The following GRID2 variants were observed in gnomAD, a reference collection of about 807,000 sequenced individuals.
GRID2 encodes the protein glutamate ionotropic receptor delta type subunit 2.
GRID2 carries 33 observed loss-of-function variants against 114.8 expected under a neutral mutation model. The observed-to-expected ratio is 0.29, with a 90% confidence interval of 0.22 to 0.38. The LOEUF (loss-of-function observed/expected upper bound fraction) is 0.38. GRID2 is among the 10% of genes least tolerant of loss of function. GRID2 has a pLI of 1.00. For missense variants in GRID2, 1,184 were observed against 1,257.7 expected (o/e 0.94, Z 0.89); for synonymous variants, 505 against 449.9 (o/e 1.12, Z -1.55).
At chr4:92,968,332 C>G (rs543440226) in intron 2 of GRID2, among the ~76,000 whole-genome samples, 119 of 151,862 alleles carry the variant, frequency 7.8e-4, no homozygotes, top group Middle Eastern at 3.4e-3. Flanking sequence ...AATAGTATCA[C>G]TATTTGTTGA....
At chr4:93,652,902 C>T (rs1341454276) in intron 14 of GRID2, among the ~76,000 whole-genome samples, 2 of 149,948 alleles carry the variant, frequency 1.3e-5, no homozygotes, top group Non-Finnish European at 2.9e-5. Flanking sequence ...TGGGAAGATA[C>T]ACAAAGGACA....
At chr4:92,929,284 G>T (rs754553168) in intron 2 of GRID2, among the ~76,000 whole-genome samples, 1 of 151,262 alleles carries the variant, frequency 6.6e-6, no homozygotes, top group South Asian at 2.1e-4. Flanking sequence ...TGATTTGAAT[G>T]AAGGTAAACA....
chr4:92,518,872 A>G (rs1039061447), intron 1 of GRID2, among the ~76,000 whole-genome samples: 3 of 151,906 alleles, frequency 2.0e-5, no homozygotes, highest in Non-Finnish European at 2.9e-5. Flanking sequence ...ATTATAAACT[A>G]TCTTGCCACA....
chr4:93,064,038 T>C (rs1356576422), intron 2 of GRID2, among the ~76,000 whole-genome samples: 1 of 116,454 alleles, frequency 8.6e-6, no homozygotes, highest in Non-Finnish European at 1.8e-5. Context: ...ATGTTTAACA[T>C]ATTACGCTGT....
intron 1 of GRID2, among the ~76,000 whole-genome samples, chr4:92,488,151 T>C (rs1471713100): frequency 1.3e-5 from 2 of 152,174 alleles, no homozygotes; most frequent in African/African-American, 2.4e-5. Flanking sequence ...AAAGGTATAA[T>C]GTGACATAAT....
chr4:93,727,527 T>C (rs1730043251), intron 14 of GRID2, among the ~76,000 whole-genome samples: 1 of 152,202 alleles, frequency 6.6e-6, no homozygotes, highest in Admixed American at 6.5e-5. Flanking sequence ...GATTCCCTCT[T>C]TTTCTATTGA....
intron 10 of GRID2, among the ~76,000 whole-genome samples, chr4:93,439,351 G>A (rs1721406139): frequency 6.6e-6 from 1 of 152,006 alleles, no homozygotes; most frequent in Non-Finnish European, 1.5e-5. Context: ...ATTTAGCAGA[G>A]GAAAATGAGC....
intron 2 of GRID2, among the ~76,000 whole-genome samples, chr4:92,597,236 AT>A (rs1728997410): frequency 6.6e-6 from 1 of 152,240 alleles, no homozygotes; most frequent in African/African-American, 2.4e-5. Context: ...AAAGAAGGTT[AT>A]TACTTTACCT....
intron 1 of GRID2, among the ~76,000 whole-genome samples, chr4:92,443,224 T>G (rs571989872): frequency 2.0e-5 from 3 of 150,974 alleles, no homozygotes; most frequent in African/African-American, 7.4e-5. Context: ...GCCTATTTTA[T>G]GACAAGAATT....
At chr4:92,342,550 G>A (rs1727549935) in intron 1 of GRID2, among the ~76,000 whole-genome samples, 1 of 152,144 alleles carries the variant, frequency 6.6e-6, no homozygotes, top group Admixed American at 6.5e-5. Flanking sequence ...TGTTTAGGAA[G>A]ATTTACTCAT....
chr4:92,619,203 G>T (rs1314987741), intron 2 of GRID2, among the ~76,000 whole-genome samples: 1 of 151,628 alleles, frequency 6.6e-6, no homozygotes, highest in Non-Finnish European at 1.5e-5. Flanking sequence ...CTTATTTAAA[G>T]TTCAGGCACT....
chr4:92,493,048 G>A (rs1723221730), intron 1 of GRID2, among the ~76,000 whole-genome samples: 1 of 147,004 alleles, frequency 6.8e-6, no homozygotes, highest in Admixed American at 7.0e-5. Flanking sequence ...AGAATTGCTT[G>A]AACCCTGGAG....
At chr4:92,395,710 A>G (rs896759268) in intron 1 of GRID2, among the ~76,000 whole-genome samples, 1 of 151,868 alleles carries the variant, frequency 6.6e-6, no homozygotes, top group Non-Finnish European at 1.5e-5. Context: ...TAGCATAGGT[A>G]ACATTTATTG....
intron 8 of GRID2, among the ~76,000 whole-genome samples, chr4:93,243,671 T>A (rs1429285335): frequency 1.3e-5 from 2 of 152,120 alleles, no homozygotes; most frequent in Admixed American, 6.6e-5. Context: ...TGGCATTGTA[T>A]GAATGATGGT....
At chr4:92,931,217 A>C (rs1297152267) in intron 2 of GRID2, among the ~76,000 whole-genome samples, 1 of 150,984 alleles carries the variant, frequency 6.6e-6, no homozygotes, top group Non-Finnish European at 1.5e-5. Flanking sequence ...TCAACTCACT[A>C]ATTCACCATA....
rs557642194 is a variant in GRID2 at position 92,957,427 on chromosome 4, T to C, written c.245-127568T>C. Among the ~76,000 whole-genome samples the C allele has an allele frequency of 1.1e-3, 169 of 152,222 alleles. 1 individual carries two copies. The highest frequency in any genetic ancestry group is 4.0e-3 in the African/African-American group (166 of 41,562). Reference sequence around the variant, plus strand: ...AAAAAATTTCCTTTTCTCCACTGTATTGTCTTTTCGCCTTTGTCAAAGATT... The same window carrying C: ...AAAAAATTTCCTTTTCTCCACTGTACTGTCTTTTCGCCTTTGTCAAAGATT... On this transcript the variant is annotated intron_variant, in intron 2 of 15. Coordinates refer to ENST00000282020, the MANE Select transcript of GRID2 (RefSeq NM_001510.4).
intron 14 of GRID2, among the ~76,000 whole-genome samples, chr4:93,627,433 C>A (rs1742827211): frequency 6.6e-6 from 1 of 152,092 alleles, no homozygotes; most frequent in African/African-American, 2.4e-5. Flanking sequence ...CTTCCATTAG[C>A]AAACCATAAA....
chr4:92,554,472 G>A (rs1377198936), intron 1 of GRID2, among the ~76,000 whole-genome samples: 1 of 152,020 alleles, frequency 6.6e-6, no homozygotes, highest in African/African-American at 2.4e-5. Context: ...AAAACAATTT[G>A]ATAAGTTCTC....
At chr4:92,698,478 A>G (rs1477469721) in intron 2 of GRID2, among the ~76,000 whole-genome samples, 1 of 152,108 alleles carries the variant, frequency 6.6e-6, no homozygotes, top group Non-Finnish European at 1.5e-5. Context: ...ATTAATAAAA[A>G]TAGTAAATAA....
Sources: gnomAD v4.1 joint callset for allele counts (sites outside exome capture counted in the v4.1 genomes callset) on GRCh38, gnomAD v4.1.1 for gene constraint, MANE v1.5 for transcripts, NCBI Gene and HGNC (gene_info 2026-07-23, HGNC 2026-07-21) for gene names.